FARP1: variants seen among roughly 807,000 people sequenced by gnomAD.
FARP1 encodes the protein FERM, ARHGEF and pleckstrin domain-containing protein 1.
Under a neutral mutation model 128.8 loss-of-function variants are expected in FARP1, and 52 were observed. That is an observed-to-expected ratio of 0.40 (90% confidence interval 0.32 to 0.51). The LOEUF (loss-of-function observed/expected upper bound fraction) is 0.51, where lower values mean the gene tolerates loss of function less well. Ranked by LOEUF, FARP1 falls within the 20% of genes least tolerant of loss-of-function variation. FARP1 has a pLI of 0.45. For missense variants in FARP1, 1,333 were observed against 1,367.9 expected (o/e 0.97, Z 0.40); for synonymous variants, 580 against 551.8 (o/e 1.05, Z -0.72).
At chr13:98,441,247 A>C (rs1398820609) in intron 24 of FARP1, among the ~76,000 whole-genome samples, 1 of 152,108 alleles carries the variant, frequency 6.6e-6, no homozygotes, top group African/African-American at 2.4e-5. Flanking sequence ...GAGGGAGGAG[A>C]GTCTGCACGA....
At chr13:98,234,719 T>C (rs760227976) in intron 2 of FARP1, 1 of 152,186 alleles carries the variant, frequency 6.6e-6, no homozygotes, top group African/African-American at 2.4e-5. Context: ...AATGAATGTA[T>C]GGACAAGCAG....
chr13:98,291,653 C>G (rs535992351), intron 2 of FARP1, among the ~76,000 whole-genome samples: 9 of 152,306 alleles, frequency 5.9e-5, no homozygotes, highest in African/African-American at 1.9e-4. Context: ...GATTCCATGT[C>G]CTGGTGCAGG....
chr13:98,277,149 C>CACACA (rs1566824323), intron 2 of FARP1, among the ~76,000 whole-genome samples: 9 of 113,196 alleles, frequency 8.0e-5, no homozygotes, highest in Non-Finnish European at 1.7e-4. Context: ...CACACACACA[C>CACACA]CCCATATGTA....
chr13:98,435,738 C>T (rs375580179), intron 19 of FARP1, 32 bp downstream of exon 19: 38 of 1,609,868 alleles, frequency 2.4e-5, no homozygotes, highest in African/African-American at 1.5e-4. Flanking sequence ...ATGCACTGCG[C>T]GGGGAGCAGA....
intron 2 of FARP1, among the ~76,000 whole-genome samples, chr13:98,262,796 C>T (rs1027720602): frequency 7.2e-5 from 11 of 151,944 alleles, no homozygotes; most frequent in Admixed American, 5.9e-4. Flanking sequence ...CTGTCAGACC[C>T]GAAGTTAACT....
At chr13:98,192,332 A>G (rs1429019364) in intron 1 of FARP1, among the ~76,000 whole-genome samples, 2 of 152,040 alleles carry the variant, frequency 1.3e-5, no homozygotes, top group African/African-American at 4.8e-5. Flanking sequence ...ATTGGTCCAC[A>G]TTGATTTCTG....
chr13:98,416,762 G>T (rs1208244363), intron 16 of FARP1, among the ~76,000 whole-genome samples: 1 of 152,178 alleles, frequency 6.6e-6, no homozygotes, highest in Admixed American at 6.5e-5. Context: ...TGGGTTCCCC[G>T]AGACAGGTGG....
intron 2 of FARP1, among the ~76,000 whole-genome samples, chr13:98,336,246 TGTTC>T: frequency 6.6e-6 from 1 of 152,306 alleles, no homozygotes; most frequent in East Asian, 1.9e-4. Flanking sequence ...TTGTTGTTTT[TGTTC>T]GTTTGTTTGT....
At chr13:98,273,079 G>A (rs1884462857) in intron 2 of FARP1, among the ~76,000 whole-genome samples, 1 of 152,222 alleles carries the variant, frequency 6.6e-6, no homozygotes, top group Non-Finnish European at 1.5e-5. Flanking sequence ...AGGGAGACAG[G>A]AGTGCAGGTG....
At position 98,449,448 on chromosome 13, in the gene FARP1, G is replaced by GGGGT. The variant is rs958569134; in HGVS notation, c.*1134_*1137dup. Reference sequence around the variant, plus strand: ...ACGTCTGCCTGTTCTCGATGGTGATGGGGTGGCTGCCATTCCCTTGGTTTT... The same window carrying GGGGT: ...ACGTCTGCCTGTTCTCGATGGTGATGGGGTGGGTGGCTGCCATTCCCTTGGTTTT... On this transcript the variant is annotated 3_prime_UTR_variant, in exon 27 of 27. Coordinates refer to ENST00000319562, the MANE Select transcript of FARP1 (RefSeq NM_005766.4). 1 of 152,200 alleles carries GGGGT rather than the reference G, an allele frequency of 6.6e-6. No individual in the cohort carries two copies. Among genetic ancestry groups the GGGGT allele is most frequent in the African/African-American group, 2.4e-5 (1 of 41,426 alleles). 9.4% of individuals were successfully genotyped at this position (152,200 alleles called of 1,614,324 possible). A position where few individuals can be genotyped will look rare whatever the true frequency, so the allele number is the denominator to read the frequency against.
chr13:98,333,444 C>CAT (rs386380375), intron 2 of FARP1, among the ~76,000 whole-genome samples: 2 of 102,062 alleles, frequency 2.0e-5, no homozygotes, highest in Admixed American at 2.1e-4. Flanking sequence ...TGTACACACA[C>CAT]ACACACACAC....
At chr13:98,270,003 G>T (rs1288390743) in intron 2 of FARP1, among the ~76,000 whole-genome samples, 1 of 152,192 alleles carries the variant, frequency 6.6e-6, no homozygotes. Context: ...TACTTGGGAG[G>T]CTGAGGCCAG....
intron 2 of FARP1, among the ~76,000 whole-genome samples, chr13:98,223,173 C>T (rs934216491): frequency 5.3e-5 from 8 of 152,320 alleles, no homozygotes; most frequent in South Asian, 4.1e-4. Context: ...TGGGAGAGCA[C>T]CTGCAGTCAT....
chr13:98,206,602 T>C (rs1880284479), intron 1 of FARP1, among the ~76,000 whole-genome samples: 1 of 152,210 alleles, frequency 6.6e-6, no homozygotes, highest in South Asian at 2.1e-4. Flanking sequence ...TCTCCCAGTT[T>C]CCTCAGGGAT....
intron 2 of FARP1, among the ~76,000 whole-genome samples, chr13:98,247,533 G>A (rs1883130353): frequency 6.6e-6 from 1 of 152,210 alleles, no homozygotes; most frequent in Admixed American, 6.5e-5. Flanking sequence ...GACAGGTGGT[G>A]TGAAACAGAG....
At chr13:98,280,471 C>T (rs1366120790) in intron 2 of FARP1, among the ~76,000 whole-genome samples, 1 of 152,224 alleles carries the variant, frequency 6.6e-6, no homozygotes, top group African/African-American at 2.4e-5. Flanking sequence ...GTGTCCTTCC[C>T]ATGTGCTCCC....
rs578002722 is a variant in FARP1, at chr13:98,254,211, C to G, written c.171+40798C>G. Among the ~76,000 whole-genome samples, 6 of 152,310 alleles carry G rather than the reference C, an allele frequency of 3.9e-5. No homozygotes were observed. The South Asian group carries it at 1.2e-3, about 32-fold the overall frequency. On this transcript the variant is annotated intron_variant, in intron 2 of 26. Transcript: ENST00000319562. The stretch of plus-strand genomic sequence containing the variant: ...CAAATACTCATCTCATAATGATGCA[C>G]TAATACATGCCATTATTGGTGTTTG...
chr13:98,299,980 A>G (rs1241040459), intron 2 of FARP1, among the ~76,000 whole-genome samples: 2 of 152,224 alleles, frequency 1.3e-5, no homozygotes, highest in Non-Finnish European at 2.9e-5. Flanking sequence ...CTACAGGAGC[A>G]TTGAAAGCTT....
chr13:98,446,338 G>A (rs1055473601), intron 25 of FARP1, 133 bp downstream of exon 25: 30 of 637,540 alleles, frequency 4.7e-5, no homozygotes, highest in South Asian at 7.6e-5. Context: ...GGATGCTGGC[G>A]GGGGGCCCTG....
Sources: gnomAD v4.1 joint callset for allele counts (sites outside exome capture counted in the v4.1 genomes callset) on GRCh38, gnomAD v4.1.1 for gene constraint, MANE v1.5 for transcripts, NCBI Gene and HGNC (gene_info 2026-07-23, HGNC 2026-07-21) for gene names.